Variants in ITGA2 observed in about 807,000 individuals in gnomAD.
ITGA2 encodes the protein integrin subunit alpha 2, also known as integrin alpha-2.
ITGA2 carries 101 observed loss-of-function variants against 146.3 expected under a neutral mutation model. That is an observed-to-expected ratio of 0.69 (90% CI 0.59 to 0.81). The LOEUF is 0.81. ITGA2 is among the 40% of genes least tolerant of loss of function. The pLI, the probability that ITGA2 is intolerant of heterozygous loss-of-function variation, is 0.00. For missense variants in ITGA2, 1,281 were observed against 1,402.7 expected, an observed-to-expected ratio of 0.91 and a Z score of 1.39; for synonymous variants, 477 against 487.1, an observed-to-expected ratio of 0.98 and a Z score of 0.27.
rs1367448525 is a variant in ITGA2 at position 52,989,524 on chromosome 5, T to C, written c.56T>C (p.Leu19Pro). The C allele has an allele frequency of 1.2e-6, 2 of 1,613,320 alleles. No homozygotes were observed. Among genetic ancestry groups the C allele is most frequent in the Admixed American group, 1.7e-5 (1 of 59,956 alleles). Residue 19 changes from leucine to proline, a missense_variant, in exon 1 of 30, where the codon CTC becomes CCC. This residue lies in a region of ITGA2 where 795 missense variants were observed against 841.7 expected (regional missense o/e 0.94). Transcript: ENST00000296585. ...APLPLLLVLALSQGILNCCLA... is the reference protein window; with the variant it reads ...APLPLLLVLAPSQGILNCCLA... ...CTGCCGCTGCTGCTGGTGTTAGCGC[T>C]CAGTCAAGGTAAGCGGGGATTTCGC...
At chr5:53,069,675 C>G (rs1040262141) in intron 16 of ITGA2, among the ~76,000 whole-genome samples, 1 of 151,918 alleles carries the variant, frequency 6.6e-6, no homozygotes, top group Non-Finnish European at 1.5e-5. Flanking sequence ...TAATAAAATT[C>G]ACTTTCCAGA....
At chr5:53,042,362 T>A (rs1276239826) in intron 3 of ITGA2, 141 bp downstream of exon 3, 4 of 665,238 alleles carry the variant, frequency 6.0e-6, no homozygotes, top group Non-Finnish European at 1.1e-5. Context: ...TGGGGCACAA[T>A]CATATCCAAA....
Position 53,031,819 on chromosome 5 carries a change from C to T in ITGA2, c.185+4951C>T, listed in dbSNP as rs573424212. Among the ~76,000 whole-genome samples, 4 of 152,296 alleles carry T rather than the reference C, an allele frequency of 2.6e-5. No individual in the cohort carries two copies. In the South Asian group the frequency reaches 6.2e-4, roughly 24 times the overall value. ...TTTCGGTGTAGGCGGAGGGCCATCC[C>T]GCTTCAGAGCCCTCACTTCACACAC... On this transcript the variant is annotated intron_variant, in intron 2 of 29. Coordinates refer to ENST00000296585, the MANE Select transcript of ITGA2 (RefSeq NM_002203.4).
chr5:53,058,117 A>C lies in ITGA2; in HGVS notation c.1173+16A>C. 6.3e-7 allele frequency: 1 copy of C among 1,583,796 alleles called. No individual in the cohort carries two copies. Among genetic ancestry groups the C allele is most frequent in the East Asian group, 2.2e-5 (1 of 44,496 alleles). On this transcript the variant is annotated intron_variant, in intron 10 of 29. Transcript: ENST00000296585. ...TTCTCAAAATGTGCGTATATCAGATAGCTTCAAGCCATGTTGTCATTTGGC... is the reference window on the plus strand; with the variant it reads ...TTCTCAAAATGTGCGTATATCAGATCGCTTCAAGCCATGTTGTCATTTGGC...
chr5:53,019,248 C>T (rs974371746), intron 1 of ITGA2, among the ~76,000 whole-genome samples: 2 of 152,114 alleles, frequency 1.3e-5, no homozygotes, highest in Non-Finnish European at 2.9e-5. Context: ...TAAGCAAACT[C>T]ATTAATTTTT....
At chr5:53,051,285 T>G in intron 6 of ITGA2, 126 bp from the exon 7 acceptor site, 1 of 914,642 alleles carries the variant, frequency 1.1e-6, no homozygotes, top group Non-Finnish European at 1.7e-6. Flanking sequence ...AAGAACAAAG[T>G]TGGAAGTGAT....
In ITGA2 at chr5:53,065,963, A is replaced by AC; in HGVS notation, c.1929_1930insC (p.Val644ArgfsTer11). ...ATGTGTCTATTGGTGCCTTTGGACA[A>AC]GTGGTTCAACTCTGGTGAGTCAGGA... On this transcript the variant is annotated frameshift_variant, in exon 15 of 30. Transcript: ENST00000296585. LOFTEE classifies it high-confidence loss of function. 6.2e-7 allele frequency: 1 copy of AC among 1,611,990 alleles called. No individual in the cohort carries two copies. Among genetic ancestry groups the AC allele is most frequent in the Admixed American group, 1.7e-5 (1 of 59,824 alleles).
chr5:53,009,671 A>C (rs978592057), intron 1 of ITGA2, among the ~76,000 whole-genome samples: 23 of 152,090 alleles, frequency 1.5e-4, no homozygotes, highest in African/African-American at 3.9e-4. Flanking sequence ...TATATTTTAT[A>C]TATATATGCT....
At chr5:53,028,830 G>A (rs1240963504) in intron 2 of ITGA2, among the ~76,000 whole-genome samples, 7 of 152,126 alleles carry the variant, frequency 4.6e-5, no homozygotes, top group Admixed American at 2.0e-4. Context: ...ATACCTGGCC[G>A]TTCCTCACTG....
chr5:53,013,747 T>A (rs1742267905), intron 1 of ITGA2, among the ~76,000 whole-genome samples: 1 of 152,160 alleles, frequency 6.6e-6, no homozygotes, highest in Non-Finnish European at 1.5e-5. Context: ...GCATGAAATG[T>A]TTTTCCATTT....
At chr5:53,075,570 T>G (rs1309289386) in intron 23 of ITGA2, among the ~76,000 whole-genome samples, 3 of 151,942 alleles carry the variant, frequency 2.0e-5, no homozygotes, top group Admixed American at 1.3e-4. Context: ...ACACTCCACA[T>G]TGCAGGCCCT....
chr5:53,038,637 C>T (rs189809163), intron 2 of ITGA2, among the ~76,000 whole-genome samples: 97 of 152,274 alleles, frequency 6.4e-4, no homozygotes, highest in African/African-American at 2.2e-3. Flanking sequence ...GGGCCCTCTG[C>T]CAGGACTTCC....
intron 1 of ITGA2, among the ~76,000 whole-genome samples, chr5:53,018,817 A>C (rs1742527449): frequency 6.6e-6 from 1 of 152,282 alleles, no homozygotes; most frequent in East Asian, 1.9e-4. Context: ...AAATTCCAGC[A>C]CTTTGGGAGG....
chr5:53,044,733 A>C (rs1443182457), intron 3 of ITGA2, among the ~76,000 whole-genome samples: 1 of 152,188 alleles, frequency 6.6e-6, no homozygotes, highest in South Asian at 2.1e-4. Flanking sequence ...TATTGTAAAA[A>C]AAATCATAAT....
At chr5:53,016,750 A>G (rs1031510572) in intron 1 of ITGA2, among the ~76,000 whole-genome samples, 4 of 151,974 alleles carry the variant, frequency 2.6e-5, no homozygotes, top group African/African-American at 9.7e-5. Flanking sequence ...GTCTCTTTAC[A>G]TAATCCCATA....
rs536094240 is a variant in ITGA2 at position 53,076,611 on chromosome 5, T to C, written c.2825+1307T>C. Among the ~76,000 whole-genome samples the C allele has an allele frequency of 3.9e-5, 6 of 152,222 alleles. No individual in the cohort carries two copies. In the South Asian group the frequency reaches 1.2e-3, roughly 32 times the overall value. ...CATTACCTGAATTTTTTCCTTCTTA[T>C]ATTTGATCCTTTCTTCTAAATATTT... On this transcript the variant is annotated intron_variant, in intron 23 of 29. Coordinates refer to ENST00000296585, the MANE Select transcript of ITGA2 (RefSeq NM_002203.4).
chr5:53,002,903 C>A (rs1298371939), intron 1 of ITGA2, among the ~76,000 whole-genome samples: 1 of 151,964 alleles, frequency 6.6e-6, no homozygotes, highest in Non-Finnish European at 1.5e-5. Flanking sequence ...CATGAGGGTG[C>A]ATTTTTTCAA....
At chr5:53,032,373 C>G (rs1264981840) in intron 2 of ITGA2, among the ~76,000 whole-genome samples, 1 of 152,060 alleles carries the variant, frequency 6.6e-6, no homozygotes, top group Non-Finnish European at 1.5e-5. Context: ...ATAACACCAC[C>G]TGGTATTTAT....
chr5:52,994,677 C>T (rs1741145002), intron 1 of ITGA2, among the ~76,000 whole-genome samples: 1 of 152,078 alleles, frequency 6.6e-6, no homozygotes, highest in African/African-American at 2.4e-5. Context: ...TGTCTTTGAA[C>T]TTCTGAATTA....
Sources: gnomAD v4.1 joint callset for allele counts (sites outside exome capture counted in the v4.1 genomes callset) on GRCh38, gnomAD v4.1.1 for gene constraint, gnomAD v4.1.1 regional missense constraint, MANE v1.5 for transcripts, NCBI Gene and HGNC (gene_info 2026-07-23, HGNC 2026-07-21) for gene names.